The following NOA1 variants were observed in gnomAD, a reference collection of about 807,000 sequenced individuals.
NOA1 encodes nitric oxide associated 1.
In NOA1, 35 loss-of-function variants were observed where a neutral mutation model predicts 58.4. The observed-to-expected ratio is 0.60, with a 90% confidence interval of 0.46 to 0.79. NOA1 has a LOEUF of 0.79. Ranked by LOEUF, NOA1 falls within the 30% of genes least tolerant of loss-of-function variation. NOA1 has a pLI of 0.00. For synonymous variants in NOA1, 397 were observed against 373.4 expected (o/e 1.06, Z -0.73); for missense variants, 895 against 894.6 (o/e 1.00, Z -0.01).
rs953654344 is a variant in NOA1, at chr4:56,968,305, G to A, written c.1647+79C>T. On this transcript the variant is annotated intron_variant, in intron 4 of 6. Coordinates refer to ENST00000264230, the MANE Select transcript of NOA1 (RefSeq NM_032313.4). ...TGGCTTAGTTATCAACATTTTGTCA[G>A]TCGTGTTCATACATCTGCTTCCTTA... The A allele has an allele frequency of 2.9e-5, 40 of 1,370,234 alleles. No individual in the cohort carries two copies. The Middle Eastern group carries it at 5.3e-4, about 18-fold the overall frequency. 84.9% of individuals were successfully genotyped at this position (1,370,234 alleles called of 1,614,324 possible). A position where few individuals can be genotyped will look rare whatever the true frequency, so the allele number is the denominator to read the frequency against.
chr4:56,977,144 G>T lies in NOA1; in HGVS notation c.442C>A (p.Leu148Met). Residue 148 changes from leucine to methionine, a missense_variant, in exon 1 of 7, where the codon CTG becomes ATG. By Grantham distance (15) the Leu-to-Met change is conservative (BLOSUM62 2). Around this residue, in one of 3 missense-constraint regions of NOA1, gnomAD observed 680 missense variants for 656.5 expected, o/e 1.04. Transcript: ENST00000264230. ...GVNCSGCGAELHCQDAGVPGY... is the reference protein window; with the variant it reads ...GVNCSGCGAEMHCQDAGVPGY... ...GGCACTCCGGCGTCCTGGCAGTGCA[G>T]CTCTGCCCCACAGCCCGAGCAGTTC... 6.4e-7 allele frequency: 1 copy of T among 1,557,236 alleles called. No homozygotes were observed. Among genetic ancestry groups the T allele is most frequent in the Non-Finnish European group, 8.6e-7 (1 of 1,156,118 alleles).
chr4:56,976,021 TG>T (rs1721913963), intron 1 of NOA1, among the ~76,000 whole-genome samples: 1 of 152,194 alleles, frequency 6.6e-6, no homozygotes, highest in Admixed American at 6.5e-5. Context: ...CACTCCAGCC[TG>T]GGCGACAGAG....
At chr4:56,971,215 A>T (rs1721805584) in intron 3 of NOA1, among the ~76,000 whole-genome samples, 1 of 148,588 alleles carries the variant, frequency 6.7e-6, no homozygotes, top group Non-Finnish European at 1.5e-5. Context: ...CGAGAGGCTG[A>T]GGCAGGACAA....
chr4:56,971,069 T>C (rs1171974772), intron 3 of NOA1, among the ~76,000 whole-genome samples: 2 of 151,994 alleles, frequency 1.3e-5, no homozygotes, highest in Non-Finnish European at 2.9e-5. Context: ...TCCTAGCACT[T>C]TGGGAGGCTG....
At position 56,977,288 on chromosome 4, in the gene NOA1, C is replaced by T. The variant is rs1721964932; in HGVS notation, c.298G>A (p.Glu100Lys). 6.2e-7 allele frequency: 1 copy of T among 1,613,856 alleles called. No individual in the cohort carries two copies. Among genetic ancestry groups the T allele is most frequent in the Non-Finnish European group, 8.5e-7 (1 of 1,180,006 alleles). ...CGCTGCTGCCTCTGTCGCTCCTCCT[C>T]CTCCTGCTGTTGCTGGAGCTCCTGC... ...QLQELQQQQE[E>K]EERQRQQRRE... Residue 100 changes from glutamate (E) to lysine (K), a missense_variant, in exon 1 of 7, where the codon GAG becomes AAG. Physicochemically the swap from Glu to Lys is moderately conservative, Grantham distance 56 (BLOSUM62 1). Around this residue, in one of 3 missense-constraint regions of NOA1, gnomAD observed 680 missense variants for 656.5 expected, o/e 1.04. Coordinates refer to ENST00000264230, the MANE Select transcript of NOA1 (RefSeq NM_032313.4).
At chr4:56,972,617 A>G (rs1721829057) in intron 3 of NOA1, among the ~76,000 whole-genome samples, 1 of 152,002 alleles carries the variant, frequency 6.6e-6, no homozygotes, top group South Asian at 2.1e-4. Flanking sequence ...TTGGTGAGTC[A>G]CTCCTTTCAG....
At chr4:56,974,089 A>ATACAAC in intron 1 of NOA1, 67 bp from the exon 2 acceptor site, 1 of 997,818 alleles carries the variant, frequency 1.0e-6, no homozygotes, top group South Asian at 1.8e-5. Context: ...AACATTTTTG[A>ATACAAC]GGATCTACAC....
chr4:56,971,095 C>T (rs1721803250), intron 3 of NOA1, among the ~76,000 whole-genome samples: 1 of 152,086 alleles, frequency 6.6e-6, no homozygotes, highest in Non-Finnish European at 1.5e-5. Flanking sequence ...GGTGGATTAC[C>T]TGAGGTGAGG....
In NOA1 at chr4:56,976,573, C is replaced by A. The variant is rs1182360897; in HGVS notation, c.1013G>T (p.Arg338Leu). 1.9e-6 allele frequency: 3 copies of A among 1,614,108 alleles called. No individual in the cohort carries two copies. The highest frequency in any genetic ancestry group is 2.5e-6 in the Non-Finnish European group (3 of 1,180,040). The change falls in exon 1 of 7, where the codon CGT becomes CTT. Residue 338 changes from arginine (R) to leucine (L), a missense_variant. Around this residue, in one of 3 missense-constraint regions of NOA1, gnomAD observed 680 missense variants for 656.5 expected, o/e 1.04. Coordinates refer to ENST00000264230, the MANE Select transcript of NOA1 (RefSeq NM_032313.4). ...GGCGCCCACTAAGTAGACGTCCCCA[C>A]GGTAGCGCCAGGAGCGCTGAAGGGC... ...ISALQRSWRY[R>L]GDVYLVGATN...
chr4:56,963,802 T>A, intron 6 of NOA1, 141 bp from the exon 7 acceptor site: 1 of 638,840 alleles, frequency 1.6e-6, no homozygotes, highest in Non-Finnish European at 2.6e-6. Flanking sequence ...TTTAAGAAAC[T>A]GCGTCTTGCT....
intron 4 of NOA1, among the ~76,000 whole-genome samples, chr4:56,967,407 A>G (rs1721734286): frequency 1.3e-5 from 2 of 151,920 alleles, no homozygotes; most frequent in Non-Finnish European, 2.9e-5. Context: ...AAACAAAAAA[A>G]CAAAAAACCA....
chr4:56,964,495 C>T lies in NOA1; in HGVS notation c.1796G>A (p.Gly599Glu), dbSNP rs766465674. The T allele has an allele frequency of 6.2e-7, 1 of 1,614,052 alleles. No individual in the cohort carries two copies. Among genetic ancestry groups the T allele is most frequent in the South Asian group, 1.1e-5 (1 of 91,080 alleles). ...IPMGGKERMAGFPPLVAEDIM... is the reference protein window; with the variant it reads ...IPMGGKERMAEFPPLVAEDIM... The stretch of plus-strand genomic sequence containing the variant: ...GTCTTCAGCAACAAGAGGAGGAAAT[C>T]CTGCCATTCGTTCTTTTCCACCCAT... The change falls in exon 6 of 7, where the codon GGA (glycine) becomes GAA (glutamate). Residue 599 changes from glycine (G) to glutamate (E), a missense_variant. Coordinates refer to ENST00000264230, the MANE Select transcript of NOA1 (RefSeq NM_032313.4).
At chr4:56,965,151 C>T (rs1244899996) in intron 5 of NOA1, among the ~76,000 whole-genome samples, 1 of 152,024 alleles carries the variant, frequency 6.6e-6, no homozygotes, top group East Asian at 1.9e-4. Context: ...AGGCGCGCAC[C>T]ACCATACCAG....
intron 3 of NOA1, among the ~76,000 whole-genome samples, chr4:56,970,521 C>G (rs1176415270): frequency 6.6e-6 from 1 of 151,502 alleles, no homozygotes; most frequent in African/African-American, 2.4e-5. Flanking sequence ...GTGGCATGAT[C>G]TCGGCTCACT....
chr4:56,975,357 G>A (rs1418866317), intron 1 of NOA1, among the ~76,000 whole-genome samples: 1 of 151,914 alleles, frequency 6.6e-6, no homozygotes, highest in Non-Finnish European at 1.5e-5. Context: ...TGGGCTGGGA[G>A]CAGTGGCTCA....
chr4:56,966,993 A>G (rs1321849643), intron 4 of NOA1, among the ~76,000 whole-genome samples: 1 of 152,162 alleles, frequency 6.6e-6, no homozygotes, highest in Non-Finnish European at 1.5e-5. Context: ...AAAAAAGTCT[A>G]TTATTAAAAA....
At chr4:56,967,148 G>A (rs1465616641) in intron 4 of NOA1, among the ~76,000 whole-genome samples, 2 of 152,082 alleles carry the variant, frequency 1.3e-5, no homozygotes, top group African/African-American at 2.4e-5. Context: ...TTGGAAGGCC[G>A]AGGTGGGTGA....
rs764464562 is a variant in NOA1 at position 56,966,714 on chromosome 4, G to A, written c.1670C>T (p.Thr557Ile). ...FLQGNQSAWFTVVASNILPVH... is the reference protein window; with the variant it reads ...FLQGNQSAWFIVVASNILPVH... The stretch of plus-strand genomic sequence containing the variant: ...AGGGAGGATGTTGGAAGCCACGACT[G>A]TAAACCAAGCTGACTGATTTCCCTT... The change falls in exon 5 of 7, where the codon ACA becomes ATA. Residue 557 changes from threonine to isoleucine, a missense_variant. Coordinates refer to ENST00000264230, the MANE Select transcript of NOA1 (RefSeq NM_032313.4). The A allele has an allele frequency of 6.2e-6, 10 of 1,612,750 alleles. No homozygotes were observed. Among genetic ancestry groups the A allele is most frequent in the Non-Finnish European group, 8.5e-6 (10 of 1,178,922 alleles).
chr4:56,966,398 A>C (rs1168896593), intron 5 of NOA1, among the ~76,000 whole-genome samples: 4 of 151,938 alleles, frequency 2.6e-5, no homozygotes, highest in Non-Finnish European at 4.4e-5. Context: ...CAAATTGGAC[A>C]GTGTAGTCTA....
Sources: gnomAD v4.1 joint callset for allele counts (sites outside exome capture counted in the v4.1 genomes callset) on GRCh38, gnomAD v4.1.1 for gene constraint, gnomAD v4.1.1 regional missense constraint, MANE v1.5 for transcripts, NCBI Gene and HGNC (gene_info 2026-07-23, HGNC 2026-07-21) for gene names.